The following ACER3 variants were observed in gnomAD, a reference collection of about 807,000 sequenced individuals.
ACER3 encodes alkCDase 3.
A neutral mutation model predicts 48.9 loss-of-function variants in ACER3; 16 were observed. That is an observed-to-expected ratio of 0.33 (90% CI 0.22 to 0.50). ACER3 has a LOEUF of 0.50. ACER3 is among the 20% of genes least tolerant of loss of function. ACER3 has a pLI of 0.98. For missense variants in ACER3, 227 were observed against 326.0 expected, an observed-to-expected ratio of 0.70 and a Z score of 2.34; for synonymous variants, 109 against 107.8, an observed-to-expected ratio of 1.01 and a Z score of -0.07.
intron 4 of ACER3, among the ~76,000 whole-genome samples, chr11:76,977,238 C>T (rs1414278864): frequency 2.0e-5 from 3 of 152,340 alleles, no homozygotes; most frequent in African/African-American, 7.2e-5. Context: ...TGAAATATCC[C>T]TGGAAATATA....
chr11:76,870,405 A>G (rs1012332127), intron 1 of ACER3, among the ~76,000 whole-genome samples: 2 of 152,120 alleles, frequency 1.3e-5, no homozygotes, highest in Non-Finnish European at 2.9e-5. Context: ...AGGTGCTGGG[A>G]TTACAGGTGT....
rs1462395113 is a variant in ACER3 at position 77,020,616 on chromosome 11, T to G, written c.*289T>G. ...AATGCAGAAACAGTTGGGCTTTTCT[T>G]AACAGGTTAACAGTTTGTGCTGGTT... On this transcript the variant is annotated 3_prime_UTR_variant, in exon 11 of 11. Coordinates refer to ENST00000532485, the MANE Select transcript of ACER3 (RefSeq NM_018367.7). The G allele has an allele frequency of 4.4e-5, 14 of 320,188 alleles. No individual in the cohort carries two copies. In the East Asian group the frequency reaches 8.7e-4, roughly 20 times the overall value. The allele number at this position is 320,188 out of a possible 1,614,324, so 19.8% of individuals were successfully genotyped here. A position where few individuals can be genotyped will look rare whatever the true frequency, so the allele number is the denominator to read the frequency against.
rs777780701 is a variant in ACER3, at chr11:76,926,660, A to G, written c.207A>G (p.Ala69=). 3.2e-6 allele frequency: 5 copies of G among 1,570,154 alleles called. No homozygotes were observed. Among genetic ancestry groups the G allele is most frequent in the Non-Finnish European group, 4.4e-6 (5 of 1,139,806 alleles). The change falls in exon 2 of 11, where the codon GCA becomes GCG. Residue 69 remains alanine, a synonymous_variant. Transcript: ENST00000532485. The part of the protein sequence containing the change: ...LEKRYIASYL[A]LTVVGMGSWC... ...AGCGGTACATTGCTTCTTATTTAGC[A>G]CTCACAGGTATGTATAACACTGTAT...
chr11:76,891,599 TCAGA>T (rs1945806691), intron 1 of ACER3, among the ~76,000 whole-genome samples: 2 of 152,188 alleles, frequency 1.3e-5, no homozygotes, highest in South Asian at 2.1e-4. Context: ...AGCCAGTTGG[TCAGA>T]CAGTCTAAAG....
chr11:76,990,393 A>T, intron 5 of ACER3, 146 bp from the exon 6 acceptor site: 1 of 702,422 alleles, frequency 1.4e-6, no homozygotes, highest in South Asian at 1.4e-5. Context: ...ATGCCACTTG[A>T]TCTGATTGCT....
At position 76,887,430 on chromosome 11, in the gene ACER3, G is replaced by A. The variant is rs191850902; in HGVS notation, c.103+26351G>A. Among the ~76,000 whole-genome samples, 20 of 152,230 alleles carry A rather than the reference G, an allele frequency of 1.3e-4. No homozygotes were observed. The East Asian group carries it at 3.7e-3, about 28-fold the overall frequency. ...GAGACTGCTTGAAGTAAATTTATATGCCTTGCATTAGATGGATCAAGAAAA... is the reference window on the plus strand; with the variant it reads ...GAGACTGCTTGAAGTAAATTTATATACCTTGCATTAGATGGATCAAGAAAA... On this transcript the variant is annotated intron_variant, in intron 1 of 10. Coordinates refer to ENST00000532485, the MANE Select transcript of ACER3 (RefSeq NM_018367.7).
At chr11:76,970,010 TAACTC>T (rs1284287295) in intron 3 of ACER3, among the ~76,000 whole-genome samples, 1 of 152,104 alleles carries the variant, frequency 6.6e-6, no homozygotes, top group Non-Finnish European at 1.5e-5. Flanking sequence ...GGGTGTAACT[TAACTC>T]TTAGCTTTCA....
At chr11:76,864,053 C>T (rs1773800069) in intron 1 of ACER3, among the ~76,000 whole-genome samples, 1 of 152,188 alleles carries the variant, frequency 6.6e-6, no homozygotes, top group Non-Finnish European at 1.5e-5. Context: ...TATCTTTCAG[C>T]ATTAGAATAT....
At chr11:76,916,503 A>G (rs553284374) in intron 1 of ACER3, among the ~76,000 whole-genome samples, 24 of 146,762 alleles carry the variant, frequency 1.6e-4, no homozygotes, top group Middle Eastern at 6.8e-3. Flanking sequence ...AAGGCAATCT[A>G]TGCTAAGTGC....
chr11:76,864,865 C>T (rs796238958), intron 1 of ACER3, among the ~76,000 whole-genome samples: 3 of 150,792 alleles, frequency 2.0e-5, no homozygotes, highest in Non-Finnish European at 4.4e-5. Flanking sequence ...TCCCAAAGTG[C>T]TGGGATTACA....
chr11:77,011,486 C>T (rs1949262873), intron 7 of ACER3: 1 of 626,290 alleles, frequency 1.6e-6, no homozygotes, highest in Non-Finnish European at 2.0e-6. Context: ...TGTGTTGAGG[C>T]CTATGTTTCT....
At chr11:76,939,009 G>A (rs1024208392) in intron 2 of ACER3, among the ~76,000 whole-genome samples, 15 of 147,562 alleles carry the variant, frequency 1.0e-4, no homozygotes, top group African/African-American at 3.5e-4. Context: ...AACACAGAAG[G>A]CAGTTTGGCC....
chr11:76,974,662 A>G (rs1290833123), intron 3 of ACER3, among the ~76,000 whole-genome samples: 1 of 152,178 alleles, frequency 6.6e-6, no homozygotes, highest in Non-Finnish European at 1.5e-5. Flanking sequence ...GAAACAGCAC[A>G]TGCAAAGGTC....
intron 7 of ACER3, among the ~76,000 whole-genome samples, chr11:77,012,240 A>C (rs1949282023): frequency 6.6e-6 from 1 of 152,120 alleles, no homozygotes; most frequent in African/African-American, 2.4e-5. Flanking sequence ...CAACACAGTG[A>C]AACCCCATCT....
chr11:76,947,861 T>C (rs1175970034), intron 2 of ACER3, among the ~76,000 whole-genome samples: 1 of 152,196 alleles, frequency 6.6e-6, no homozygotes, highest in Admixed American at 6.5e-5. Context: ...GGAATAAACA[T>C]GTTTAACCTA....
intron 1 of ACER3, among the ~76,000 whole-genome samples, chr11:76,919,845 G>A (rs1487420431): frequency 1.3e-5 from 2 of 152,054 alleles, no homozygotes; most frequent in Non-Finnish European, 2.9e-5. Context: ...TTAATTTCTT[G>A]GTTAGGGAAC....
At chr11:76,870,990 A>G (rs1294879779) in intron 1 of ACER3, among the ~76,000 whole-genome samples, 3 of 152,244 alleles carry the variant, frequency 2.0e-5, no homozygotes, top group Non-Finnish European at 2.9e-5. Flanking sequence ...TCTTATTACA[A>G]TCCTTACAAC....
chr11:76,943,904 A>G (rs1270681746), intron 2 of ACER3, among the ~76,000 whole-genome samples: 1 of 108,648 alleles, frequency 9.2e-6, no homozygotes, highest in Non-Finnish European at 2.0e-5. Context: ...TTATATAATG[A>G]CCTTTGTCCT....
chr11:76,919,372 T>TCATATTTTCCCCAA (rs1946626282), intron 1 of ACER3, among the ~76,000 whole-genome samples: 2 of 152,198 alleles, frequency 1.3e-5, no homozygotes, highest in African/African-American at 4.8e-5. Flanking sequence ...CCCCAAACTT[T>TCATATTTTCCCCAA]GTTTCTCATA....
Sources: allele counts gnomAD v4.1 joint callset (sites outside exome capture counted in the v4.1 genomes callset), GRCh38; gene constraint gnomAD v4.1.1; transcripts MANE v1.5; gene names NCBI Gene and HGNC (gene_info 2026-07-23, HGNC 2026-07-21).